PHLPP1: variants seen among roughly 807,000 people sequenced by gnomAD.
The protein encoded by PHLPP1 is PH domain leucine-rich repeat-containing protein phosphatase 1.
In PHLPP1, 42 loss-of-function variants were observed where a neutral mutation model predicts 117.2. The ratio of observed to expected loss-of-function variants is 0.36; its 90% CI spans 0.28 to 0.46. The LOEUF (loss-of-function observed/expected upper bound fraction) is 0.46. PHLPP1 is among the 20% of genes least tolerant of loss of function. PHLPP1 has a pLI of 1.00. For synonymous variants in PHLPP1, 1,042 were observed against 970.7 expected (o/e 1.07, Z -1.37); for missense variants, 2,084 against 2,241.9 (o/e 0.93, Z 1.42).
intron 1 of PHLPP1, among the ~76,000 whole-genome samples, chr18:62,811,428 T>G (rs1261228896): frequency 1.3e-5 from 2 of 152,170 alleles, no homozygotes; most frequent in Non-Finnish European, 2.9e-5. Context: ...GGATGTAAAG[T>G]TGTGTATATG....
chr18:62,749,795 C>T (rs1424323964), intron 1 of PHLPP1, among the ~76,000 whole-genome samples: 1 of 152,118 alleles, frequency 6.6e-6, no homozygotes, highest in Non-Finnish European at 1.5e-5. Context: ...GCGGGTGGGT[C>T]ACTTGAGGTC....
At chr18:62,786,174 A>G (rs1034516021) in intron 1 of PHLPP1, among the ~76,000 whole-genome samples, 25 of 152,188 alleles carry the variant, frequency 1.6e-4, no homozygotes, top group African/African-American at 4.8e-4. Context: ...CTCACAGGTA[A>G]AAGTCAGTTT....
intron 13 of PHLPP1, among the ~76,000 whole-genome samples, chr18:62,961,927 G>T (rs1022332635): frequency 6.6e-6 from 1 of 152,120 alleles, no homozygotes; most frequent in Non-Finnish European, 1.5e-5. Flanking sequence ...AGTTACAAAG[G>T]GAATACAAGT....
chr18:62,884,404 A>G (rs1916235990), intron 4 of PHLPP1, among the ~76,000 whole-genome samples: 1 of 152,230 alleles, frequency 6.6e-6, no homozygotes, highest in Admixed American at 6.5e-5. Context: ...TGTTAAAATG[A>G]GCATTATTGT....
chr18:62,929,087 AAAC>A (rs1246618063), intron 10 of PHLPP1, among the ~76,000 whole-genome samples: 1 of 152,214 alleles, frequency 6.6e-6, no homozygotes, highest in East Asian at 1.9e-4. Context: ...TTTGTGAAAA[AAAC>A]TAAAAAATCA....
chr18:62,897,659 A>T (rs990601991), intron 6 of PHLPP1, among the ~76,000 whole-genome samples: 9 of 152,072 alleles, frequency 5.9e-5, no homozygotes, highest in African/African-American at 2.2e-4. Flanking sequence ...AGTGCCCGCC[A>T]CCACACCTGG....
intron 3 of PHLPP1, among the ~76,000 whole-genome samples, chr18:62,853,954 G>A (rs940160959): frequency 6.6e-6 from 1 of 152,162 alleles, no homozygotes; most frequent in African/African-American, 2.4e-5. Flanking sequence ...ACTTGTTAAG[G>A]TGATCAGGGC....
At chr18:62,821,903 C>T (rs1220230516) in intron 1 of PHLPP1, among the ~76,000 whole-genome samples, 4 of 151,848 alleles carry the variant, frequency 2.6e-5, no homozygotes, top group Non-Finnish European at 5.9e-5. Context: ...GGATTACAGG[C>T]GCATGCCACT....
chr18:62,942,778 G>C (rs1225670823), intron 11 of PHLPP1, among the ~76,000 whole-genome samples: 5 of 151,956 alleles, frequency 3.3e-5, no homozygotes, highest in African/African-American at 1.2e-4. Context: ...CTCAGCATTG[G>C]GGCCAAATCA....
intron 10 of PHLPP1, among the ~76,000 whole-genome samples, chr18:62,935,738 T>C (rs900325759): frequency 6.6e-6 from 1 of 152,186 alleles, no homozygotes; most frequent in Non-Finnish European, 1.5e-5. Context: ...GTGCCATGGC[T>C]CCTGCCTGTA....
chr18:62,739,656 C>G (rs1261952703), intron 1 of PHLPP1, among the ~76,000 whole-genome samples: 1 of 151,910 alleles, frequency 6.6e-6, no homozygotes, highest in Non-Finnish European at 1.5e-5. Context: ...AAAATTTAAA[C>G]AAAGGAAAGA....
At chr18:62,803,228 AATCAC>A (rs1913837507) in intron 1 of PHLPP1, among the ~76,000 whole-genome samples, 1 of 152,154 alleles carries the variant, frequency 6.6e-6, no homozygotes, top group African/African-American at 2.4e-5. Flanking sequence ...AGTTTTTCTA[AATCAC>A]ATAGTTTTTA....
intron 1 of PHLPP1, among the ~76,000 whole-genome samples, chr18:62,754,143 A>AT (rs1378504194): frequency 2.6e-5 from 4 of 152,150 alleles, no homozygotes; most frequent in African/African-American, 9.7e-5. Context: ...TTTGTCTTAG[A>AT]TTCTGGCCTC....
At chr18:62,771,211 C>CAA (rs766950169) in intron 1 of PHLPP1, among the ~76,000 whole-genome samples, 30 of 58,688 alleles carry the variant, frequency 5.1e-4, no homozygotes, top group South Asian at 1.2e-3. Flanking sequence ...GAGACTGTCT[C>CAA]AAAAAAAAAA....
intron 3 of PHLPP1, among the ~76,000 whole-genome samples, chr18:62,859,798 G>C (rs1245629770): frequency 6.6e-6 from 1 of 152,170 alleles, no homozygotes; most frequent in Non-Finnish European, 1.5e-5. Flanking sequence ...GGAGATTACT[G>C]ATATCACTAA....
rs1366890808 is a variant in PHLPP1, at chr18:62,978,029, C to A, written c.3985-233C>A. On this transcript the variant is annotated intron_variant, in intron 16 of 16. Coordinates refer to ENST00000262719, the MANE Select transcript of PHLPP1 (RefSeq NM_194449.4). The surrounding 1 kb of genome is among the most constrained non-coding windows in gnomAD (Gnocchi z 7.0). ...TCCCAGTAACACACATAACCGAAAT[C>A]TTTTCCTTTTGTCCCTACTGCTCCT... is the stretch of plus-strand genomic sequence containing the variant. Among the ~76,000 whole-genome samples the A allele has an allele frequency of 3.9e-5, 6 of 152,184 alleles. No homozygotes were observed. Among genetic ancestry groups the A allele is most frequent in the Non-Finnish European group, 5.9e-5 (4 of 68,026 alleles).
At chr18:62,866,695 G>A (rs115177572) in intron 4 of PHLPP1, among the ~76,000 whole-genome samples, 2 of 152,196 alleles carry the variant, frequency 1.3e-5, no homozygotes, top group Non-Finnish European at 2.9e-5. Context: ...GCCAGTATTT[G>A]TGGAATAAAT....
chr18:62,963,523 C>A, intron 14 of PHLPP1, 51 bp downstream of exon 14: 2 of 1,156,982 alleles, frequency 1.7e-6, no homozygotes, highest in South Asian at 1.3e-5. Flanking sequence ...CTGTCTCACT[C>A]CTTTAGTTGG....
At chr18:62,794,528 C>CT (rs1271387012) in intron 1 of PHLPP1, among the ~76,000 whole-genome samples, 1 of 152,056 alleles carries the variant, frequency 6.6e-6, no homozygotes, top group Non-Finnish European at 1.5e-5. Context: ...TCACCATGCC[C>CT]AGCTAAGTTT....
Sources: allele counts gnomAD v4.1 joint callset (sites outside exome capture counted in the v4.1 genomes callset), GRCh38; gene constraint gnomAD v4.1.1; non-coding constraint Gnocchi (gnomAD v3.1); transcripts MANE v1.5; gene names NCBI Gene and HGNC (gene_info 2026-07-23, HGNC 2026-07-21).